Variants in SLC13A3 observed in about 807,000 individuals in gnomAD.
SLC13A3 encodes the protein solute carrier family 13 member 3.
In SLC13A3, 40 loss-of-function variants were observed where a neutral mutation model predicts 59.0. The ratio of observed to expected loss-of-function variants is 0.68; its 90% CI spans 0.53 to 0.88. SLC13A3 has a LOEUF of 0.88. Among genes scored for constraint, SLC13A3 ranks in the 40% least tolerant of loss-of-function variants. The pLI is 0.00. For missense variants in SLC13A3, 699 were observed against 783.2 expected (o/e 0.89, Z 1.28); for synonymous variants, 317 against 330.3 (o/e 0.96, Z 0.44).
rs1555881868 is a variant in SLC13A3, at chr20:46,632,908, G to GCTCTTTATCTACCCACCCAGATCTATCT, written c.111+18402_111+18403insAGATAGATCTGGGTGGGTAGATAAAGAG. Among the ~76,000 whole-genome samples, 87 of 35,036 alleles carry GCTCTTTATCTACCCACCCAGATCTATCT rather than the reference G, an allele frequency of 2.5e-3. 2 individuals carry two copies. Among genetic ancestry groups the GCTCTTTATCTACCCACCCAGATCTATCT allele is most frequent in the East Asian group, 3.8e-3 (5 of 1,322 alleles). The allele number at this position is 35,036 out of a possible 152,430, so 23.0% of individuals were successfully genotyped here. ...AGATAGATAGATAGATAGATAGATA[G>GCTCTTTATCTACCCACCCAGATCTATCT]ATATATCTATCTATCTATCTATCTA... On this transcript the variant is annotated intron_variant, in intron 1 of 12. Transcript: ENST00000279027.
At chr20:46,624,372 T>A (rs113686290) in intron 1 of SLC13A3, among the ~76,000 whole-genome samples, 60 of 152,358 alleles carry the variant, frequency 3.9e-4, no homozygotes, top group African/African-American at 1.4e-3. Flanking sequence ...TCAGTTTAAT[T>A]GTGATTGTCA....
chr20:46,569,672 A>G (rs575315560), intron 10 of SLC13A3, among the ~76,000 whole-genome samples: 1 of 152,340 alleles, frequency 6.6e-6, no homozygotes, highest in East Asian at 1.9e-4. Flanking sequence ...AGATGCCTGA[A>G]GTGATGGAAC....
At chr20:46,674,498 C>A (rs575483852), upstream of SLC13A3, among the ~76,000 whole-genome samples, 2 of 152,182 alleles carry the variant, frequency 1.3e-5, no homozygotes, top group African/African-American at 4.8e-5. Flanking sequence ...CGGCAGCAGA[C>A]CCCCAGTGTT....
At chr20:46,572,506 G>C (rs535301018) in intron 10 of SLC13A3, among the ~76,000 whole-genome samples, 1 of 152,094 alleles carries the variant, frequency 6.6e-6, no homozygotes, top group Non-Finnish European at 1.5e-5. Flanking sequence ...CTGGAGCTTA[G>C]GGAAACCTCT....
rs1391811837 is a variant in SLC13A3 at position 46,559,653 on chromosome 20, G to T, written c.*369C>A. On this transcript the variant is annotated 3_prime_UTR_variant, in exon 13 of 13. Transcript: ENST00000279027. ...TCGAAAGTAATCACTGGGGGATAAT[G>T]TTAGCTGTGCCCATGGGAATGAATG... The T allele has an allele frequency of 5.5e-6, 1 of 181,972 alleles. No individual in the cohort carries two copies. The highest frequency in any genetic ancestry group is 1.1e-5 in the Non-Finnish European group (1 of 87,200). The allele number at this position is 181,972 out of a possible 1,614,324, so 11.3% of individuals were successfully genotyped here. A position where few individuals can be genotyped will look rare whatever the true frequency, so the allele number is the denominator to read the frequency against.
upstream of SLC13A3, among the ~76,000 whole-genome samples, chr20:46,651,882 C>T (rs1204382960): frequency 2.0e-5 from 3 of 152,356 alleles, no homozygotes; most frequent in Non-Finnish European, 4.4e-5. Context: ...TAATAATAGT[C>T]TACACCATGG....
At chr20:46,599,933 A>G in intron 4 of SLC13A3, 38 bp downstream of exon 4, 1 of 1,450,974 alleles carries the variant, frequency 6.9e-7, no homozygotes, top group South Asian at 1.4e-5. Flanking sequence ...TCCTTGAATC[A>G]AGCACTGGGT....
chr20:46,595,323 CTTTTCTT>C (rs1186242024), intron 5 of SLC13A3, among the ~76,000 whole-genome samples: 3 of 152,186 alleles, frequency 2.0e-5, no homozygotes, highest in Middle Eastern at 6.8e-3. Context: ...TCTCTTTTCT[CTTTTCTT>C]TTCTTTTTTT....
chr20:46,583,575 T>G lies in SLC13A3; in HGVS notation c.1216A>C (p.Lys406Gln), dbSNP rs2062160767. ...RPSLKWWFDF[K>Q]APNTETEPLL... is the part of the protein sequence containing the mutation. Reference sequence around the variant, plus strand: ...ACCCCAGCCTTGACCACCTTACCTTTGAAGTCAAACCACCACTTGAGAGAG... The same window carrying G: ...ACCCCAGCCTTGACCACCTTACCTTGGAAGTCAAACCACCACTTGAGAGAG... The change falls in exon 9 of 13, where the codon AAA (lysine) becomes CAA (glutamine). Residue 406 changes from lysine (K) to glutamine (Q), a missense_variant. By Grantham distance (53) the Lys-to-Gln change is moderately conservative. Coordinates refer to ENST00000279027, the MANE Select transcript of SLC13A3 (RefSeq NM_022829.6). 6.2e-7 allele frequency: 1 copy of G among 1,612,636 alleles called. No individual in the cohort carries two copies.
At chr20:46,563,382 CG>C (rs757727907) in intron 12 of SLC13A3, 31 bp downstream of exon 12, 4 of 1,603,314 alleles carry the variant, frequency 2.5e-6, no homozygotes, top group Non-Finnish European at 3.4e-6. Context: ...ACCCACATCC[CG>C]GGGCCTCTGC....
intron 1 of SLC13A3, among the ~76,000 whole-genome samples, chr20:46,628,909 T>C (rs527917284): frequency 6.6e-6 from 1 of 152,262 alleles, no homozygotes; most frequent in South Asian, 2.1e-4. Flanking sequence ...TGGGGATAGG[T>C]GGTTTTGCTG....
At chr20:46,675,292 C>G (rs1249329597) in intron 1 of SLC13A3, among the ~76,000 whole-genome samples, 1 of 151,726 alleles carries the variant, frequency 6.6e-6, no homozygotes, top group Non-Finnish European at 1.5e-5. Context: ...TGCAGTGGCG[C>G]AATCTCATCT....
chr20:46,574,237 C>G (rs753762581), intron 10 of SLC13A3, among the ~76,000 whole-genome samples: 2 of 152,142 alleles, frequency 1.3e-5, no homozygotes, highest in Admixed American at 1.3e-4. Flanking sequence ...CAATTTGGAG[C>G]CCGGACTCTG....
chr20:46,611,370 C>T (rs1378797908), intron 2 of SLC13A3, among the ~76,000 whole-genome samples: 1 of 152,188 alleles, frequency 6.6e-6, no homozygotes, highest in Non-Finnish European at 1.5e-5. Flanking sequence ...GTGACCTCCT[C>T]CAGGAAGTTT....
At chr20:46,670,587 G>T (rs1188995690), upstream of SLC13A3, among the ~76,000 whole-genome samples, 3 of 152,132 alleles carry the variant, frequency 2.0e-5, no homozygotes, top group Non-Finnish European at 4.4e-5. Flanking sequence ...GCATGGACTA[G>T]ACTACTAAAT....
intron 9 of SLC13A3, among the ~76,000 whole-genome samples, chr20:46,580,373 C>T (rs1182916588): frequency 6.6e-6 from 1 of 151,704 alleles, no homozygotes; most frequent in Non-Finnish European, 1.5e-5. Flanking sequence ...TTTCTTGAGA[C>T]ACATATTCCT....
intron 1 of SLC13A3, among the ~76,000 whole-genome samples, chr20:46,623,738 G>C (rs964234637): frequency 6.6e-6 from 1 of 152,172 alleles, no homozygotes; most frequent in Non-Finnish European, 1.5e-5. Flanking sequence ...ACGATCGCTA[G>C]CAATTAATTA....
chr20:46,604,321 G>T (rs915075672), intron 3 of SLC13A3, among the ~76,000 whole-genome samples: 2 of 152,074 alleles, frequency 1.3e-5, no homozygotes, highest in Admixed American at 1.3e-4. Flanking sequence ...AAATAATCAG[G>T]GTAGCTCATG....
intron 1 of SLC13A3, among the ~76,000 whole-genome samples, chr20:46,626,121 C>CTCTCTCTCTG (rs750513521): frequency 1.0e-4 from 15 of 144,636 alleles, no homozygotes; most frequent in Admixed American, 1.4e-4. Flanking sequence ...CTCTCTCTCT[C>CTCTCTCTCTG]TGTCTCTCTC....
Sources: gnomAD v4.1 joint callset for allele counts (sites outside exome capture counted in the v4.1 genomes callset) on GRCh38, gnomAD v4.1.1 for gene constraint, MANE v1.5 for transcripts, NCBI Gene and HGNC (gene_info 2026-07-23, HGNC 2026-07-21) for gene names.